Variants in NNT observed in about 807,000 individuals in gnomAD.
The protein encoded by NNT is NAD(P) transhydrogenase, mitochondrial.
In NNT, 50 loss-of-function variants were observed where a neutral mutation model predicts 104.8. That is an observed-to-expected ratio of 0.48 (90% CI 0.38 to 0.60). NNT has a LOEUF of 0.60. Among genes scored for constraint, NNT ranks in the 20% least tolerant of loss-of-function variants. The probability of loss-of-function intolerance (pLI) is 0.00; values close to 1 mark genes in which losing one functional copy is unlikely to be tolerated. For missense variants in NNT, 1,131 were observed against 1,330.7 expected (o/e 0.85, Z 2.33); for synonymous variants, 461 against 490.4 (o/e 0.94, Z 0.79).
chr5:43,639,092 T>C (rs1751087044), intron 7 of NNT, among the ~76,000 whole-genome samples: 1 of 152,154 alleles, frequency 6.6e-6, no homozygotes, highest in Non-Finnish European at 1.5e-5. Context: ...GCCAATGATA[T>C]ATTCTTTTGC....
chr5:43,649,577 C>CT lies in NNT; in HGVS notation c.1606+284dup, dbSNP rs35437854. Reference sequence around the variant, plus strand: ...ACTGTTATTTCTTCCAAGTTTGATCCTTTTTTTTTTTTTTTAAAGAAAAGG... The same window carrying CT: ...ACTGTTATTTCTTCCAAGTTTGATCCTTTTTTTTTTTTTTTTAAAGAAAAGG... On this transcript the variant is annotated intron_variant, in intron 11 of 21. Coordinates refer to ENST00000344920, the MANE Select transcript of NNT (RefSeq NM_182977.3). Among the ~76,000 whole-genome samples the CT allele has an allele frequency of 9.8e-3, 1,377 of 140,578 alleles. 12 individuals carry two copies. Among genetic ancestry groups the CT allele is most frequent in the African/African-American group, 0.03 (1,139 of 38,162 alleles). The allele number at this position is 140,578 out of a possible 152,430, so 92.2% of individuals were successfully genotyped here.
Position 43,613,230 on chromosome 5 carries a change from C to A in NNT, c.381+93C>A, listed in dbSNP as rs189430548. ...TAAATTACTTTATCTGGAGTTACAC[C>A]TTTTCCTATTTTCAAACAGTGTATT... On this transcript the variant is annotated intron_variant, in intron 3 of 21. Transcript: ENST00000344920. The A allele has an allele frequency of 5.2e-3, 4,974 of 958,674 alleles. 26 individuals are homozygous for A. The highest frequency in any genetic ancestry group is 8.9e-3 in the South Asian group (520 of 58,586). 59.4% of individuals were successfully genotyped at this position (958,674 alleles called of 1,614,324 possible).
At chr5:43,671,877 G>T (rs1211573520) in intron 17 of NNT, among the ~76,000 whole-genome samples, 1 of 152,184 alleles carries the variant, frequency 6.6e-6, no homozygotes, top group Non-Finnish European at 1.5e-5. Flanking sequence ...CCTGCAGAGT[G>T]TTTTCCAACT....
chr5:43,642,291 A>G (rs962463797), intron 7 of NNT, among the ~76,000 whole-genome samples: 2 of 152,176 alleles, frequency 1.3e-5, no homozygotes, highest in African/African-American at 2.4e-5. Flanking sequence ...AGGCGGCCAT[A>G]TGATCCATAG....
At chr5:43,636,788 G>A (rs980469337) in intron 7 of NNT, among the ~76,000 whole-genome samples, 5 of 151,896 alleles carry the variant, frequency 3.3e-5, no homozygotes, top group Non-Finnish European at 5.9e-5. Flanking sequence ...GACTAATTTT[G>A]CTTTTTATTT....
At chr5:43,627,190 AG>A (rs1199206167) in intron 6 of NNT, among the ~76,000 whole-genome samples, 2 of 152,112 alleles carry the variant, frequency 1.3e-5, no homozygotes, top group African/African-American at 4.8e-5. Flanking sequence ...CTTTACCTCC[AG>A]GGGGCAATCT....
chr5:43,620,468 C>T (rs970793277), intron 5 of NNT, among the ~76,000 whole-genome samples: 1 of 150,938 alleles, frequency 6.6e-6, no homozygotes, highest in Non-Finnish European at 1.5e-5. Flanking sequence ...GATCCGCCCG[C>T]CTTGGCCTCC....
chr5:43,654,109 A>G (rs1739915403), intron 14 of NNT, among the ~76,000 whole-genome samples: 1 of 152,214 alleles, frequency 6.6e-6, no homozygotes, highest in Admixed American at 6.5e-5. Context: ...ACTAGGTTTT[A>G]TTGTCTATGC....
rs888528719 is a variant in NNT at position 43,648,256 on chromosome 5, C to T, written c.1445-891C>T. Reference sequence around the variant, plus strand: ...AATTAATGTCAATCCCTAGATATTCCAGTGGTGCCACTTCCAAAGTAATAG... The same window carrying T: ...AATTAATGTCAATCCCTAGATATTCTAGTGGTGCCACTTCCAAAGTAATAG... On this transcript the variant is annotated intron_variant, in intron 10 of 21. Transcript: ENST00000344920. 10 of 1,023,176 alleles carry T rather than the reference C, an allele frequency of 9.8e-6. 1 individual carries two copies. Among genetic ancestry groups the T allele is most frequent in the South Asian group, 7.6e-5 (2 of 26,406 alleles). The allele number at this position is 1,023,176 out of a possible 1,614,324, so 63.4% of individuals were successfully genotyped here. A position where few individuals can be genotyped will look rare whatever the true frequency, so the allele number is the denominator to read the frequency against.
chr5:43,664,635 C>T (rs1443956683), intron 17 of NNT, among the ~76,000 whole-genome samples: 1 of 152,000 alleles, frequency 6.6e-6, no homozygotes, highest in Admixed American at 6.6e-5. Flanking sequence ...AATGAACAGT[C>T]TTAAACAGTC....
intron 3 of NNT, chr5:43,613,357 A>T (rs1007915414): frequency 2.1e-6 from 1 of 479,304 alleles, no homozygotes; most frequent in Admixed American, 3.8e-5. Flanking sequence ...AGAAAAAGTG[A>T]TCTTCATTTT....
chr5:43,605,529 A>C (rs1487791571), intron 1 of NNT, among the ~76,000 whole-genome samples: 2 of 148,198 alleles, frequency 1.3e-5, no homozygotes, highest in Admixed American at 6.6e-5. Flanking sequence ...TCTCAAAAAA[A>C]AAAAAAAAAA....
chr5:43,677,241 T>C (rs1741461204), intron 18 of NNT, among the ~76,000 whole-genome samples: 1 of 151,942 alleles, frequency 6.6e-6, no homozygotes, highest in African/African-American at 2.4e-5. Flanking sequence ...TCAAGGAGAA[T>C]GTGAGGGGCA....
chr5:43,657,842 T>C (rs771955475), intron 16 of NNT, among the ~76,000 whole-genome samples: 7 of 152,184 alleles, frequency 4.6e-5, no homozygotes, highest in Non-Finnish European at 8.8e-5. Flanking sequence ...AAATAAAAGA[T>C]ATACAAATGT....
chr5:43,629,143 A>T (rs954913867), intron 7 of NNT, among the ~76,000 whole-genome samples: 1 of 152,016 alleles, frequency 6.6e-6, no homozygotes, highest in African/African-American at 2.4e-5. Flanking sequence ...TTAGTCTTTT[A>T]TCCCTCACCC....
intron 16 of NNT, among the ~76,000 whole-genome samples, chr5:43,657,293 A>G (rs1740109381): frequency 6.6e-6 from 1 of 152,214 alleles, no homozygotes; most frequent in African/African-American, 2.4e-5. Context: ...GCTCAGTGAG[A>G]GTATTCAGTG....
intron 19 of NNT, among the ~76,000 whole-genome samples, chr5:43,681,611 G>A (rs1325657900): frequency 6.6e-6 from 1 of 152,104 alleles, no homozygotes; most frequent in Non-Finnish European, 1.5e-5. Context: ...CGTTGGCCAG[G>A]CTGGTCTTGA....
chr5:43,606,697 C>A (rs1749241800), intron 1 of NNT, among the ~76,000 whole-genome samples: 1 of 152,186 alleles, frequency 6.6e-6, no homozygotes, highest in Non-Finnish European at 1.5e-5. Context: ...TAAAAGAGGA[C>A]ACAATCTCAT....
intron 19 of NNT, among the ~76,000 whole-genome samples, chr5:43,682,535 A>C (rs1286416016): frequency 6.6e-6 from 1 of 152,142 alleles, no homozygotes; most frequent in East Asian, 1.9e-4. Context: ...TTTCATGGAT[A>C]AGTATGATTC....
Sources: allele counts gnomAD v4.1 joint callset (sites outside exome capture counted in the v4.1 genomes callset), GRCh38; gene constraint gnomAD v4.1.1; transcripts MANE v1.5; gene names NCBI Gene and HGNC (gene_info 2026-07-23, HGNC 2026-07-21).